The following KLHL1 variants were observed in gnomAD, a reference collection of about 807,000 sequenced individuals.
KLHL1 encodes the protein kelch-like protein 1.
In KLHL1, 47 loss-of-function variants were observed where a neutral mutation model predicts 77.7. The ratio of observed to expected loss-of-function variants is 0.60; its 90% CI spans 0.48 to 0.77. KLHL1 has a LOEUF of 0.77. Ranked by LOEUF, KLHL1 falls within the 30% of genes least tolerant of loss-of-function variation. The pLI, the probability that KLHL1 is intolerant of heterozygous loss-of-function variation, is 0.00. For synonymous variants in KLHL1, 360 were observed against 325.2 expected (o/e 1.11, Z -1.15); for missense variants, 925 against 910.8 (o/e 1.02, Z -0.20).
intron 10 of KLHL1, among the ~76,000 whole-genome samples, chr13:69,704,782 C>A (rs1566349897): frequency 6.6e-6 from 1 of 151,556 alleles, no homozygotes; most frequent in Non-Finnish European, 1.5e-5. Context: ...GGGGTTGTAC[C>A]TTTCAGCATG....
At chr13:69,739,909 G>T (rs1439600454) in intron 8 of KLHL1, among the ~76,000 whole-genome samples, 1 of 152,068 alleles carries the variant, frequency 6.6e-6, no homozygotes, top group Non-Finnish European at 1.5e-5. Flanking sequence ...TGGGTGAGGG[G>T]CATCTAGTGG....
chr13:69,906,126 A>G (rs935345247), intron 4 of KLHL1, among the ~76,000 whole-genome samples: 1 of 152,034 alleles, frequency 6.6e-6, no homozygotes, highest in Non-Finnish European at 1.5e-5. Context: ...CCTTCTCAAT[A>G]CCGCATGAGA....
intron 7 of KLHL1, among the ~76,000 whole-genome samples, chr13:69,751,579 G>A (rs1018866676): frequency 2.0e-5 from 3 of 152,090 alleles, no homozygotes; most frequent in Admixed American, 6.6e-5. Context: ...AAAGAAGGCC[G>A]ATGTGGCAAG....
chr13:70,077,051 G>A (rs959274774), intron 1 of KLHL1, among the ~76,000 whole-genome samples: 1 of 151,866 alleles, frequency 6.6e-6, no homozygotes, highest in African/African-American at 2.4e-5. Context: ...AAGCCACCTT[G>A]GAAGAACATT....
At chr13:69,787,826 C>T (rs1445818974) in intron 7 of KLHL1, among the ~76,000 whole-genome samples, 2 of 151,810 alleles carry the variant, frequency 1.3e-5, no homozygotes, top group Non-Finnish European at 1.5e-5. Context: ...AACAAACAAC[C>T]CCATCAAAAA....
rs1185282462 is a variant in KLHL1, at chr13:70,027,649, G to GTTTTTTTTTTTTTTTTTT, written c.498-51848_498-51847insAAAAAAAAAAAAAAAAAA. ...GGCATTTTTGAAGCGCAAAATGTAA[G>GTTTTTTTTTTTTTTTTTT]TTGTTTTTTTTTTTTTATGAACTGA... On this transcript the variant is annotated intron_variant, in intron 1 of 10. Coordinates refer to ENST00000377844, the MANE Select transcript of KLHL1 (RefSeq NM_020866.3). Among the ~76,000 whole-genome samples, 9 of 109,328 alleles carry GTTTTTTTTTTTTTTTTTT rather than the reference G, an allele frequency of 8.2e-5. 2 individuals are homozygous for GTTTTTTTTTTTTTTTTTT. Among genetic ancestry groups the GTTTTTTTTTTTTTTTTTT allele is most frequent in the Admixed American group, 9.7e-5 (1 of 10,272 alleles). 71.7% of individuals were successfully genotyped at this position (109,328 alleles called of 152,430 possible). A position where few individuals can be genotyped will look rare whatever the true frequency, so the allele number is the denominator to read the frequency against.
intron 6 of KLHL1, among the ~76,000 whole-genome samples, chr13:69,818,046 A>G (rs1878188006): frequency 6.6e-6 from 1 of 152,066 alleles, no homozygotes; most frequent in Admixed American, 6.6e-5. Context: ...ATTAGTCACT[A>G]AGATTTGTCT....
intron 1 of KLHL1, among the ~76,000 whole-genome samples, chr13:70,037,836 T>A (rs1886276861): frequency 6.6e-6 from 1 of 152,166 alleles, no homozygotes; most frequent in Non-Finnish European, 1.5e-5. Flanking sequence ...GTTGAGGGTT[T>A]TTTTGCCAAT....
At chr13:69,800,242 C>A (rs1030830440) in intron 6 of KLHL1, among the ~76,000 whole-genome samples, 2 of 152,160 alleles carry the variant, frequency 1.3e-5, no homozygotes, top group South Asian at 4.1e-4. Context: ...GTAGAATAAT[C>A]TGTTTATGTT....
chr13:69,975,153 TA>T (rs1352784818), intron 2 of KLHL1, among the ~76,000 whole-genome samples: 1 of 151,996 alleles, frequency 6.6e-6, no homozygotes, highest in East Asian at 1.9e-4. Context: ...TAAATAAATA[TA>T]AAAATGTCAA....
chr13:69,922,940 GAATA>G (rs1344253525), intron 4 of KLHL1, among the ~76,000 whole-genome samples: 1 of 151,968 alleles, frequency 6.6e-6, no homozygotes, highest in Non-Finnish European at 1.5e-5. Flanking sequence ...ATTCAAAAGT[GAATA>G]AATAATACAT....
intron 1 of KLHL1, among the ~76,000 whole-genome samples, chr13:69,978,138 A>G (rs950497477): frequency 5.3e-5 from 8 of 152,162 alleles, no homozygotes; most frequent in Non-Finnish European, 1.0e-4. Context: ...ACATATAGCA[A>G]GAACAGCAGA....
intron 8 of KLHL1, among the ~76,000 whole-genome samples, chr13:69,719,819 CTA>C (rs1266668045): frequency 6.6e-6 from 1 of 151,652 alleles, no homozygotes; most frequent in Non-Finnish European, 1.5e-5. Flanking sequence ...ATTTTAACCT[CTA>C]TTTCTAGAAA....
intron 6 of KLHL1, among the ~76,000 whole-genome samples, chr13:69,805,624 A>C (rs1157140691): frequency 6.6e-6 from 1 of 151,476 alleles, no homozygotes; most frequent in Non-Finnish European, 1.5e-5. Context: ...TTAAGGTAGC[A>C]CCATTAAGAG....
intron 1 of KLHL1, among the ~76,000 whole-genome samples, chr13:70,101,528 A>G (rs1437774402): frequency 2.6e-5 from 4 of 152,136 alleles, no homozygotes; most frequent in African/African-American, 9.7e-5. Flanking sequence ...TCCAGGGTTC[A>G]AGCAATTATC....
At chr13:69,837,670 G>GTGTGTA (rs543681165) in intron 6 of KLHL1, among the ~76,000 whole-genome samples, 1 of 123,974 alleles carries the variant, frequency 8.1e-6, no homozygotes, top group African/African-American at 3.6e-5. Context: ...GTGTGTGTGT[G>GTGTGTA]TATATATATA....
intron 1 of KLHL1, among the ~76,000 whole-genome samples, chr13:70,028,795 G>A (rs1886018569): frequency 6.6e-6 from 1 of 151,948 alleles, no homozygotes; most frequent in African/African-American, 2.4e-5. Flanking sequence ...TTCGCAATGT[G>A]GCGAAACTTC....
chr13:70,049,990 A>G (rs1198350292), intron 1 of KLHL1, among the ~76,000 whole-genome samples: 1 of 152,026 alleles, frequency 6.6e-6, no homozygotes, highest in African/African-American at 2.4e-5. Context: ...TAATTTATAT[A>G]GAAAAAACAA....
intron 4 of KLHL1, among the ~76,000 whole-genome samples, chr13:69,887,953 G>A (rs897319357): frequency 1.3e-5 from 2 of 151,976 alleles, no homozygotes; most frequent in East Asian, 1.9e-4. Flanking sequence ...CCTATCCCTC[G>A]GTATCAATTT....
Sources: gnomAD v4.1 joint callset for allele counts (sites outside exome capture counted in the v4.1 genomes callset) on GRCh38, gnomAD v4.1.1 for gene constraint, MANE v1.5 for transcripts, NCBI Gene and HGNC (gene_info 2026-07-23, HGNC 2026-07-21) for gene names.